The following TBC1D31 variants were observed in gnomAD, a reference collection of about 807,000 sequenced individuals.
TBC1D31 encodes the protein WD repeat domain 67.
In TBC1D31, 99 loss-of-function variants were observed where a neutral mutation model predicts 132.9. The observed-to-expected ratio is 0.74, with a 90% confidence interval of 0.63 to 0.88. TBC1D31 has a LOEUF of 0.88. TBC1D31 is among the 40% of genes least tolerant of loss of function. The pLI is 0.00. For missense variants in TBC1D31, 1,134 were observed against 1,256.6 expected (o/e 0.90, Z 1.48); for synonymous variants, 385 against 419.4 (o/e 0.92, Z 1.00).
chr8:123,072,883 G>T, intron 1 of TBC1D31, 37 bp downstream of exon 1: 1 of 1,544,586 alleles, frequency 6.5e-7, no homozygotes, highest in Non-Finnish European at 8.8e-7. Flanking sequence ...GCTGTGGAGG[G>T]GATGGAGACC....
chr8:123,152,748 G>A (rs752259130), downstream of TBC1D31, among the ~76,000 whole-genome samples: 7 of 152,090 alleles, frequency 4.6e-5, no homozygotes, highest in African/African-American at 9.7e-5. Flanking sequence ...GCACATGCCT[G>A]TAATCCCAGC....
At chr8:123,164,204 C>T in the TBC1D31 span, among the ~76,000 whole-genome samples, 3 of 152,196 alleles carry the variant, frequency 2.0e-5, no homozygotes, top group African/African-American at 7.2e-5. Flanking sequence ...CTTGGACCAG[C>T]CATTCACTAA....
In TBC1D31 at chr8:123,126,616, A is replaced by T. The variant is rs192939621; in HGVS notation, c.1813A>T (p.Met605Leu). The change falls in exon 13 of 22, where the codon ATG (methionine) becomes TTG (leucine). Residue 605 changes from methionine to leucine, a missense_variant. Met to Leu is a conservative substitution (Grantham distance 15). Coordinates refer to ENST00000287380, the MANE Select transcript of TBC1D31 (RefSeq NM_145647.4). ...TTCCAACCATCCTTCCTTCCTTCTG[A>T]TGACTGTTGTAGCCTACAACATATG... Reference protein sequence around the residue: ...IFSNHPSFLLMTVVAYNICSR... With the variant: ...IFSNHPSFLLLTVVAYNICSR... 6.2e-7 allele frequency: 1 copy of T among 1,614,012 alleles called. No individual in the cohort carries two copies. The highest frequency in any genetic ancestry group is 1.1e-5 in the South Asian group (1 of 91,068).
intron 17 of TBC1D31, 34 bp from the exon 18 acceptor site, chr8:123,140,727 A>G: frequency 6.4e-7 from 1 of 1,555,946 alleles, no homozygotes; most frequent in South Asian, 1.2e-5. Context: ...CGTTATATAA[A>G]TTAGTGATTT....
intron 8 of TBC1D31, 123 bp downstream of exon 8, chr8:123,105,587 A>G (rs769922144): frequency 1.4e-4 from 127 of 908,120 alleles, no homozygotes; most frequent in Middle Eastern, 3.5e-4. Flanking sequence ...TGAAGAGAAT[A>G]AAGTTGTAAC....
At chr8:123,094,519 A>ATTTATTTATTTG (rs1262986918) in intron 5 of TBC1D31, among the ~76,000 whole-genome samples, 2 of 146,232 alleles carry the variant, frequency 1.4e-5, no homozygotes, top group Non-Finnish European at 3.0e-5. Context: ...TTATTTATTT[A>ATTTATTTATTTG]TTTATTTATT....
chr8:123,153,463 C>T (rs1472930361), downstream of TBC1D31, among the ~76,000 whole-genome samples: 2 of 152,172 alleles, frequency 1.3e-5, no homozygotes, highest in Non-Finnish European at 2.9e-5. Flanking sequence ...AGTGAAAGTG[C>T]ACTATGAATG....
At chr8:123,081,049 A>G (rs142312295) in intron 2 of TBC1D31, among the ~76,000 whole-genome samples, 194 of 152,260 alleles carry the variant, frequency 1.3e-3, no homozygotes, top group African/African-American at 4.5e-3. Flanking sequence ...TGTTCAATCC[A>G]TTGGTCACTT....
In TBC1D31 at chr8:123,139,694, T is replaced by TTACACATATACACAGCATA. The variant is rs1554622014; in HGVS notation, c.2500-1060_2500-1059insATACACAGCATATACACAT. Among the ~76,000 whole-genome samples the TTACACATATACACAGCATA allele has an allele frequency of 8.3e-3, 1,259 of 152,296 alleles. 15 individuals are homozygous for TTACACATATACACAGCATA. Among genetic ancestry groups the TTACACATATACACAGCATA allele is most frequent in the African/African-American group, 0.029 (1,223 of 41,546 alleles). On this transcript the variant is annotated intron_variant, in intron 17 of 21. Coordinates refer to ENST00000287380, the MANE Select transcript of TBC1D31 (RefSeq NM_145647.4). ...CACAGCCCGTAGCATATACACAGCC[T>TTACACATATACACAGCATA]TACACATGCACATGACCTTCCAGGA...
Position 123,084,305 on chromosome 8 carries a change from A to C in TBC1D31, c.484A>C (p.Lys162Gln). Residue 162 changes from lysine to glutamine, a missense_variant, in exon 4 of 22, where the codon AAG (lysine) becomes CAG (glutamine). Lys to Gln is a moderately conservative substitution (Grantham distance 53). Coordinates refer to ENST00000287380, the MANE Select transcript of TBC1D31 (RefSeq NM_145647.4). ...CTTGGATACCTTTCAGAGAAAAAGA[A>C]AGCTGAATATTCGCCAGTCTGTGGG... ...WDLDTFQRKR[K>Q]LNIRQSVGIQ... 1 of 1,614,212 alleles carries C rather than the reference A, an allele frequency of 6.2e-7. No individual in the cohort carries two copies. Among genetic ancestry groups the C allele is most frequent in the South Asian group, 1.1e-5 (1 of 91,082 alleles).
At chr8:123,106,253 A>G (rs1225335300) in intron 8 of TBC1D31, among the ~76,000 whole-genome samples, 1 of 152,224 alleles carries the variant, frequency 6.6e-6, no homozygotes, top group Non-Finnish European at 1.5e-5. Context: ...TCTGAGTAGC[A>G]TGACGAAATC....
At chr8:123,126,444 T>A in intron 12 of TBC1D31, 64 bp from the exon 13 acceptor site, 2 of 1,436,472 alleles carry the variant, frequency 1.4e-6, no homozygotes, top group Admixed American at 2.0e-5. Flanking sequence ...TAAGGGAATA[T>A]TACCAATGAC....
chr8:123,082,558 T>G (rs1415983847), intron 2 of TBC1D31, 144 bp from the exon 3 acceptor site: 1 of 613,380 alleles, frequency 1.6e-6, no homozygotes, highest in East Asian at 2.8e-5. Context: ...ATATGGCACA[T>G]AGCACCCTTC....
chr8:123,144,638 C>A, intron 19 of TBC1D31, 79 bp from the exon 20 acceptor site: 1 of 1,329,768 alleles, frequency 7.5e-7, no homozygotes, highest in Non-Finnish European at 1.0e-6. Flanking sequence ...ATAGAGAAGA[C>A]AGAAGTGGCT....
At chr8:123,077,071 C>T (rs766719586) in intron 1 of TBC1D31, 40 bp from the exon 2 acceptor site, 8 of 1,536,450 alleles carry the variant, frequency 5.2e-6, no homozygotes, top group Admixed American at 4.1e-5. Context: ...TCAAGTAATA[C>T]GTGACATAGA....
chr8:123,093,535 TTTA>T, intron 4 of TBC1D31, 53 bp from the exon 5 acceptor site: 1 of 1,249,822 alleles, frequency 8.0e-7, no homozygotes, highest in South Asian at 2.0e-5. Flanking sequence ...TAATTTTAAA[TTTA>T]AAGTCTCTAT....
chr8:123,103,313 TATA>T (rs1817623473), intron 7 of TBC1D31: 1 of 152,186 alleles, frequency 6.6e-6, no homozygotes, highest in Non-Finnish European at 1.5e-5. Flanking sequence ...ATTTTTACAT[TATA>T]ATATGTGCTA....
At chr8:123,139,016 C>T (rs1331263542) in intron 17 of TBC1D31, among the ~76,000 whole-genome samples, 1 of 151,922 alleles carries the variant, frequency 6.6e-6, no homozygotes, top group Non-Finnish European at 1.5e-5. Context: ...CTATGTTGCT[C>T]ATGCTGGTTT....
intron 19 of TBC1D31, among the ~76,000 whole-genome samples, chr8:123,143,374 C>T (rs902703470): frequency 1.3e-5 from 2 of 152,160 alleles, no homozygotes; most frequent in African/African-American, 4.8e-5. Context: ...AAAGATTCTA[C>T]TGCTAAAGAA....
Sources: gnomAD v4.1 joint callset for allele counts (sites outside exome capture counted in the v4.1 genomes callset) on GRCh38, gnomAD v4.1.1 for gene constraint, MANE v1.5 for transcripts, NCBI Gene and HGNC (gene_info 2026-07-23, HGNC 2026-07-21) for gene names.